CD247: variants seen among roughly 807,000 people sequenced by gnomAD.
The protein encoded by CD247 is T-cell surface glycoprotein CD3 zeta chain.
CD247 carries 13 observed loss-of-function variants against 30.0 expected under a neutral mutation model. The observed-to-expected ratio is 0.43, with a 90% CI of 0.28 to 0.69. The LOEUF (loss-of-function observed/expected upper bound fraction) is 0.69, where lower values mean the gene tolerates loss of function less well. CD247 is among the 30% of genes least tolerant of loss of function. The probability of loss-of-function intolerance (pLI) is 0.16; values close to 1 mark genes in which losing one functional copy is unlikely to be tolerated. For synonymous variants in CD247, 72 were observed against 80.0 expected (o/e 0.90, Z 0.53); for missense variants, 193 against 212.6 (o/e 0.91, Z 0.57).
chr1:167,464,936 C>CA (rs995596998), intron 1 of CD247, among the ~76,000 whole-genome samples: 33 of 151,596 alleles, frequency 2.2e-4, no homozygotes, highest in South Asian at 1.0e-3. Context: ...CAAATAACAA[C>CA]AAAAAAAAAC....
intron 1 of CD247, among the ~76,000 whole-genome samples, chr1:167,484,869 C>G (rs1473802618): frequency 2.0e-5 from 3 of 152,244 alleles, no homozygotes; most frequent in Non-Finnish European, 4.4e-5. Context: ...GACTCTCCAG[C>G]TGAGGAGACT....
rs187668680 is a variant in CD247, at chr1:167,460,391, A to G, written c.59-19624T>C. On this transcript the variant is annotated intron_variant, in intron 1 of 7. Transcript: ENST00000362089. ...ACACTCCAGCCTGAGTGACAGAGTG[A>G]GACCCTGTCTCAAAAAATAAAAATA... Among the ~76,000 whole-genome samples the G allele has an allele frequency of 2.4e-3, 361 of 152,292 alleles. 1 individual carries two copies. Among genetic ancestry groups the G allele is most frequent in the African/African-American group, 8.2e-3 (342 of 41,556 alleles).
chr1:167,449,673 A>C (rs1293970671), intron 1 of CD247, among the ~76,000 whole-genome samples: 6 of 152,142 alleles, frequency 3.9e-5, no homozygotes, highest in African/African-American at 1.4e-4. Flanking sequence ...CTGTAATCCC[A>C]GTACGTTGGG....
rs564943634 is a variant in CD247, at chr1:167,495,818, CTTCTGGG to C, written c.58+22583_58+22589del. Among the ~76,000 whole-genome samples the C allele has an allele frequency of 7.9e-4, 120 of 152,304 alleles. 1 individual carries two copies. The highest frequency in any genetic ancestry group is 2.4e-3 in the Admixed American group (36 of 15,304). On this transcript the variant is annotated intron_variant, in intron 1 of 7. Transcript: ENST00000362089. Reference sequence around the variant, plus strand: ...CCCACTTGGCTTGCTCGCTCACTTCCTTCTGGGTTTGACTAGAATGCCACCATCTTAG... The same window carrying C: ...CCCACTTGGCTTGCTCGCTCACTTCCTTTGACTAGAATGCCACCATCTTAG...
At chr1:167,497,554 A>G (rs1272063488) in intron 1 of CD247, among the ~76,000 whole-genome samples, 1 of 152,230 alleles carries the variant, frequency 6.6e-6, no homozygotes, top group Non-Finnish European at 1.5e-5. Flanking sequence ...CAGGGGGAGC[A>G]TTAAATAAAT....
intron 1 of CD247, among the ~76,000 whole-genome samples, chr1:167,490,651 G>A (rs527877061): frequency 6.6e-6 from 1 of 152,012 alleles, no homozygotes; most frequent in African/African-American, 2.4e-5. Flanking sequence ...TATTTTTGAA[G>A]GTCGGGTACA....
intron 5 of CD247, chr1:167,434,320 A>AG: frequency 1.7e-6 from 1 of 571,800 alleles, no homozygotes; most frequent in Non-Finnish European, 3.1e-6. Flanking sequence ...CACTGAGCTG[A>AG]GGGGCTCAAG....
At chr1:167,473,645 A>G (rs1653626610) in intron 1 of CD247, among the ~76,000 whole-genome samples, 1 of 152,168 alleles carries the variant, frequency 6.6e-6, no homozygotes, top group Non-Finnish European at 1.5e-5. Flanking sequence ...AGGCAAGTCC[A>G]CGTTCTCTCT....
chr1:167,479,556 C>A (rs1653884624), intron 1 of CD247, among the ~76,000 whole-genome samples: 1 of 152,134 alleles, frequency 6.6e-6, no homozygotes, highest in Admixed American at 6.5e-5. Flanking sequence ...TCAAAAATCA[C>A]CCCAGGAGTT....
chr1:167,511,040 G>T (rs1335958890), intron 1 of CD247, among the ~76,000 whole-genome samples: 1 of 152,130 alleles, frequency 6.6e-6, no homozygotes, highest in African/African-American at 2.4e-5. Flanking sequence ...ACAGCACAAG[G>T]ATTTGCACTA....
intron 1 of CD247, among the ~76,000 whole-genome samples, chr1:167,518,029 G>A (rs1355016382): frequency 2.6e-5 from 4 of 152,188 alleles, no homozygotes; most frequent in African/African-American, 9.7e-5. Context: ...GAACGTCGCA[G>A]CACGAAACAT....
intron 1 of CD247, among the ~76,000 whole-genome samples, chr1:167,453,416 CT>C (rs1652466455): frequency 6.6e-6 from 1 of 152,150 alleles, no homozygotes; most frequent in Non-Finnish European, 1.5e-5. Context: ...AAGTTTTGCT[CT>C]TGAAAATTAG....
At chr1:167,471,767 T>C (rs1653532452) in intron 1 of CD247, among the ~76,000 whole-genome samples, 1 of 151,626 alleles carries the variant, frequency 6.6e-6, no homozygotes, top group African/African-American at 2.4e-5. Flanking sequence ...TACACTCGGC[T>C]TTATTTTTCT....
At chr1:167,443,853 C>G (rs1651951922) in intron 1 of CD247, among the ~76,000 whole-genome samples, 1 of 152,146 alleles carries the variant, frequency 6.6e-6, no homozygotes, top group South Asian at 2.1e-4. Context: ...ACCCTCCTCT[C>G]CTCGGTCCCA....
chr1:167,444,246 G>A (rs774175740), intron 1 of CD247, among the ~76,000 whole-genome samples: 5 of 152,212 alleles, frequency 3.3e-5, no homozygotes, highest in South Asian at 2.1e-4. Flanking sequence ...TCTTGAGGCC[G>A]CACACAAGGT....
intron 1 of CD247, among the ~76,000 whole-genome samples, chr1:167,504,992 A>T (rs1655054881): frequency 6.6e-6 from 1 of 152,242 alleles, no homozygotes; most frequent in African/African-American, 2.4e-5. Flanking sequence ...GAGTCCTCAC[A>T]ATACCAAATA....
chr1:167,469,277 C>T (rs1239474620), intron 1 of CD247, among the ~76,000 whole-genome samples: 1 of 152,178 alleles, frequency 6.6e-6, no homozygotes, highest in African/African-American at 2.4e-5. Flanking sequence ...TGGCAAGAAG[C>T]ATTTATACAT....
intron 5 of CD247, chr1:167,434,431 T>C: frequency 7.9e-6 from 3 of 377,926 alleles, no homozygotes; most frequent in South Asian, 4.4e-5. Context: ...TCTGAGCAAG[T>C]TGTCTCTTTA....
At chr1:167,441,012 G>A (rs981272019) in intron 1 of CD247, among the ~76,000 whole-genome samples, 1 of 152,206 alleles carries the variant, frequency 6.6e-6, no homozygotes, top group African/African-American at 2.4e-5. Flanking sequence ...GGCAATGGGA[G>A]GGGAGGTGGA....
Sources: gnomAD v4.1 joint callset for allele counts (sites outside exome capture counted in the v4.1 genomes callset) on GRCh38, gnomAD v4.1.1 for gene constraint, MANE v1.5 for transcripts, NCBI Gene and HGNC (gene_info 2026-07-23, HGNC 2026-07-21) for gene names.